Variants in FMN2 observed in about 807,000 individuals in gnomAD.
FMN2 encodes formin 2, also known as formin-2.
Under a neutral mutation model 142.3 loss-of-function variants are expected in FMN2, and 51 were observed. The observed-to-expected ratio is 0.36, with a 90% confidence interval of 0.29 to 0.45. FMN2 has a LOEUF of 0.45. Ranked by LOEUF, FMN2 falls within the 20% of genes least tolerant of loss-of-function variation. FMN2 has a pLI of 1.00. For missense variants in FMN2, 1,936 were observed against 2,122.8 expected (o/e 0.91, Z 1.73); for synonymous variants, 882 against 869.8 (o/e 1.01, Z -0.25).
chr1:240,187,287 A>G (rs1318927128), intron 3 of FMN2, among the ~76,000 whole-genome samples: 131 of 145,574 alleles, frequency 9.0e-4, no homozygotes, highest in African/African-American at 1.6e-3. Context: ...AAAAAAAAAA[A>G]AAAAGAAAAG....
chr1:240,360,446 T>C (rs895771417), intron 14 of FMN2, among the ~76,000 whole-genome samples: 4 of 152,184 alleles, frequency 2.6e-5, no homozygotes, highest in Non-Finnish European at 4.4e-5. Flanking sequence ...ACTTCTATTT[T>C]TATCCAGGAA....
chr1:240,193,258 G>C (rs1331451463), intron 4 of FMN2, among the ~76,000 whole-genome samples: 1 of 152,142 alleles, frequency 6.6e-6, no homozygotes, highest in Admixed American at 6.5e-5. Flanking sequence ...TTGAACATCT[G>C]CTGACCTACT....
intron 4 of FMN2, among the ~76,000 whole-genome samples, chr1:240,193,498 C>T (rs372934284): frequency 2.3e-4 from 35 of 152,270 alleles, no homozygotes; most frequent in African/African-American, 8.2e-4. Context: ...TAGATCAAAT[C>T]GTCATTTTTG....
chr1:240,395,858 C>T (rs370406925), intron 15 of FMN2, among the ~76,000 whole-genome samples: 5 of 152,260 alleles, frequency 3.3e-5, no homozygotes, highest in African/African-American at 1.2e-4. Flanking sequence ...GTTGACAAAG[C>T]AGCAGCAGGG....
rs772273611 is a variant in FMN2 at position 240,093,304 on chromosome 1, G to C, written c.1195G>C (p.Gly399Arg). 13 of 1,607,692 alleles carry C rather than the reference G, an allele frequency of 8.1e-6. No individual in the cohort carries two copies. The highest frequency in any genetic ancestry group is 2.2e-5 in the South Asian group (2 of 90,500). The change falls in exon 1 of 18, where the codon GGC (glycine) becomes CGC (arginine). Residue 399 changes from glycine to arginine, a missense_variant. Coordinates refer to ENST00000319653, the MANE Select transcript of FMN2 (RefSeq NM_020066.5). ...CGCCCCCGCGGCCGCTTCCCTGCCCGGCAGCCCCGCGCCTAGCCAGCGCTG... is the reference window on the plus strand; with the variant it reads ...CGCCCCCGCGGCCGCTTCCCTGCCCCGCAGCCCCGCGCCTAGCCAGCGCTG... ...PDAPAAASLP[G>R]SPAPSQRCFK...
chr1:240,279,263 G>GA (rs761265981), intron 7 of FMN2, among the ~76,000 whole-genome samples: 3 of 151,566 alleles, frequency 2.0e-5, no homozygotes, highest in South Asian at 4.2e-4. Context: ...TTTCTTTAAT[G>GA]AAAAAAAAAT....
intron 3 of FMN2, among the ~76,000 whole-genome samples, chr1:240,184,526 T>G (rs965044093): frequency 2.6e-5 from 4 of 151,260 alleles, no homozygotes; most frequent in African/African-American, 7.3e-5. Context: ...TGTTTTTTTT[T>G]TTTTTTTTTT....
rs574092258 is a variant in FMN2, at chr1:240,231,896, C to T, written c.4065+20661C>T. On this transcript the variant is annotated intron_variant, in intron 6 of 17. Transcript: ENST00000319653. Reference sequence around the variant, plus strand: ...TTAAAAATCCCTCTGTTCTCCAAAGCGTTTGTAGGCACTTCTTGAATTCAT... The same window carrying T: ...TTAAAAATCCCTCTGTTCTCCAAAGTGTTTGTAGGCACTTCTTGAATTCAT... 8.7e-4 allele frequency among the ~76,000 whole-genome samples: 132 copies of T among 152,272 alleles called. 1 individual carries two copies. The highest frequency in any genetic ancestry group is 5.4e-4 in the Non-Finnish European group (37 of 68,026).
intron 5 of FMN2, among the ~76,000 whole-genome samples, 164 bp from the exon 6 acceptor site, chr1:240,210,927 G>A (rs1253291310): frequency 1.3e-5 from 2 of 152,100 alleles, no homozygotes; most frequent in Admixed American, 6.6e-5. Context: ...TCAAACAAAT[G>A]GTGGTCTTAA....
At chr1:240,376,513 A>G (rs1406924329) in intron 14 of FMN2, among the ~76,000 whole-genome samples, 2 of 152,088 alleles carry the variant, frequency 1.3e-5, no homozygotes, top group East Asian at 3.9e-4. Flanking sequence ...AAAAACTTCA[A>G]CAAAAAAGGG....
chr1:240,316,918 A>G (rs910990505), intron 8 of FMN2, among the ~76,000 whole-genome samples: 1 of 151,876 alleles, frequency 6.6e-6, no homozygotes, highest in Non-Finnish European at 1.5e-5. Flanking sequence ...TTTTGCATGC[A>G]CTCCTACTGG....
At chr1:240,465,132 C>T (rs188107512) in intron 16 of FMN2, among the ~76,000 whole-genome samples, 10 of 152,226 alleles carry the variant, frequency 6.6e-5, no homozygotes, top group African/African-American at 2.4e-4. Flanking sequence ...ATAAACTTCA[C>T]CAAATCACCT....
chr1:240,272,627 T>C lies in FMN2; in HGVS notation c.4153+14595T>C, dbSNP rs1669056949. Among the ~76,000 whole-genome samples the C allele has an allele frequency of 2.0e-5, 3 of 152,178 alleles. No homozygotes were observed. In the South Asian group the frequency reaches 6.2e-4, roughly 31 times the overall value. ...GGAGAAGATGCAATAATTGACACTT[T>C]TCACCTTTCCCTTATGGAGCCGCAT... On this transcript the variant is annotated intron_variant, in intron 7 of 17. Coordinates refer to ENST00000319653, the MANE Select transcript of FMN2 (RefSeq NM_020066.5).
At chr1:240,150,374 G>C (rs1663711434) in intron 2 of FMN2, among the ~76,000 whole-genome samples, 1 of 113,606 alleles carries the variant, frequency 8.8e-6, no homozygotes, top group South Asian at 3.9e-4. Context: ...GATGAAACAA[G>C]ACATCCATCC....
intron 16 of FMN2, among the ~76,000 whole-genome samples, chr1:240,462,615 C>T (rs1676481476): frequency 6.6e-6 from 1 of 152,162 alleles, no homozygotes; most frequent in African/African-American, 2.4e-5. Context: ...TTTTACTGTG[C>T]ATCATCATCC....
At chr1:240,231,964 A>G (rs1029930376) in intron 6 of FMN2, among the ~76,000 whole-genome samples, 2 of 152,082 alleles carry the variant, frequency 1.3e-5, no homozygotes, top group Non-Finnish European at 2.9e-5. Flanking sequence ...CATCTTCCAT[A>G]TGTTTTCTTC....
intron 16 of FMN2, among the ~76,000 whole-genome samples, chr1:240,442,629 A>G (rs1675662753): frequency 6.6e-6 from 1 of 152,212 alleles, no homozygotes; most frequent in Admixed American, 6.5e-5. Context: ...TTTGGTGTAT[A>G]TAGATTGAAA....
intron 15 of FMN2, among the ~76,000 whole-genome samples, chr1:240,427,274 C>T (rs559083135): frequency 2.6e-5 from 4 of 151,436 alleles, no homozygotes; most frequent in Admixed American, 6.6e-5. Context: ...AGTGCTATCT[C>T]GGCTCACTGC....
intron 6 of FMN2, among the ~76,000 whole-genome samples, chr1:240,249,142 C>G (rs1039570303): frequency 1.7e-4 from 26 of 152,136 alleles, no homozygotes; most frequent in African/African-American, 6.3e-4. Flanking sequence ...GTTGTCTGTG[C>G]TTTTGAGGTC....
Sources: allele counts gnomAD v4.1 joint callset (sites outside exome capture counted in the v4.1 genomes callset), GRCh38; gene constraint gnomAD v4.1.1; transcripts MANE v1.5; gene names NCBI Gene and HGNC (gene_info 2026-07-23, HGNC 2026-07-21).